The following PCSK5 variants were observed in gnomAD, a reference collection of about 807,000 sequenced individuals.
The protein encoded by PCSK5 is proprotein convertase subtilisin/kexin type 5.
In PCSK5, 129 loss-of-function variants were observed where a neutral mutation model predicts 233.2. The ratio of observed to expected loss-of-function variants is 0.55; its 90% CI spans 0.48 to 0.64. The LOEUF is 0.64. Ranked by LOEUF, PCSK5 falls within the 30% of genes least tolerant of loss-of-function variation. PCSK5 has a pLI of 0.00. For synonymous variants in PCSK5, 825 were observed against 879.2 expected, an observed-to-expected ratio of 0.94 and a Z score of 1.09; for missense variants, 2,076 against 2,430.1, an observed-to-expected ratio of 0.85 and a Z score of 3.06.
chr9:76,302,480 C>G (rs1828643413), intron 28 of PCSK5, among the ~76,000 whole-genome samples: 1 of 152,166 alleles, frequency 6.6e-6, no homozygotes, highest in African/African-American at 2.4e-5. Flanking sequence ...ATGGTCATGG[C>G]TGGCAGAGGC....
intron 12 of PCSK5, among the ~76,000 whole-genome samples, chr9:76,163,309 C>T (rs1822949091): frequency 6.6e-6 from 1 of 152,224 alleles, no homozygotes; most frequent in Admixed American, 6.5e-5. Context: ...CAGTGGCTCC[C>T]TGTCCTGGCT....
At chr9:75,943,754 A>G (rs965836364) in intron 2 of PCSK5, among the ~76,000 whole-genome samples, 2 of 152,224 alleles carry the variant, frequency 1.3e-5, no homozygotes, top group South Asian at 2.1e-4. Context: ...AATATAATGA[A>G]CTGCGCATGT....
In PCSK5 at chr9:76,292,263, TG is replaced by T; in HGVS notation, c.3177del (p.Tyr1060IlefsTer48). The T allele has an allele frequency of 6.3e-7, 1 of 1,578,192 alleles. No homozygotes were observed. Among genetic ancestry groups the T allele is most frequent in the Non-Finnish European group, 8.7e-7 (1 of 1,148,618 alleles). On this transcript the variant is annotated frameshift_variant, in exon 25 of 38. Transcript: ENST00000674117. LOFTEE classifies it high-confidence loss of function. ...DDPGTCTSCA[M>X]GYYRFDHHCY... ...CCAGGAACATGTACATCTTGCGCTA[TG>T]GGGTATTACAGGTAAGTCTGGTCTT...
chr9:76,355,879 T>C (rs570308825), intron 37 of PCSK5, among the ~76,000 whole-genome samples: 60 of 152,040 alleles, frequency 3.9e-4, no homozygotes, highest in Non-Finnish European at 6.9e-4. Context: ...AATTTTTGTA[T>C]TTTTAGTACA....
chr9:76,172,787 TC>T (rs2131189051), intron 13 of PCSK5, among the ~76,000 whole-genome samples: 1 of 152,274 alleles, frequency 6.6e-6, no homozygotes, highest in Non-Finnish European at 1.5e-5. Context: ...TTCTTATCAC[TC>T]CCTAATGCGT....
intron 20 of PCSK5, among the ~76,000 whole-genome samples, chr9:76,204,538 C>G (rs942763388): frequency 6.6e-6 from 1 of 151,726 alleles, no homozygotes; most frequent in Admixed American, 6.6e-5. Flanking sequence ...GTCCCGGTGG[C>G]CAAGCCTCCC....
intron 9 of PCSK5, among the ~76,000 whole-genome samples, chr9:76,121,973 G>A (rs1367281949): frequency 1.9e-5 from 2 of 105,088 alleles, no homozygotes; most frequent in African/African-American, 3.1e-5. Context: ...ACAGGCGCCC[G>A]CCACTACGCC....
At position 76,079,164 on chromosome 9, in the gene PCSK5, C is replaced by T. The variant is rs567380088; in HGVS notation, c.894+7266C>T. Among the ~76,000 whole-genome samples, 34 of 151,670 alleles carry T rather than the reference C, an allele frequency of 2.2e-4. No individual in the cohort carries two copies. The East Asian group carries it at 5.5e-3, about 24-fold the overall frequency. On this transcript the variant is annotated intron_variant, in intron 7 of 37. Transcript: ENST00000674117. ...ACCCAGGTTGGAGTGCAGTGGCGTG[C>T]GTGATCTTGGCTCACTGCAACCTCC... is the stretch of plus-strand genomic sequence containing the variant.
At chr9:76,060,186 T>A (rs747909353) in intron 5 of PCSK5, among the ~76,000 whole-genome samples, 21 of 152,158 alleles carry the variant, frequency 1.4e-4, no homozygotes, top group Non-Finnish European at 2.6e-4. Context: ...GTTGACTCCA[T>A]TCCATGCAGC....
chr9:76,283,434 C>G (rs965989741), intron 24 of PCSK5, among the ~76,000 whole-genome samples: 3 of 152,210 alleles, frequency 2.0e-5, no homozygotes, highest in African/African-American at 7.2e-5. Flanking sequence ...TCTGAATGCT[C>G]AGATGATCAT....
At chr9:76,316,881 A>G (rs1829048607) in intron 30 of PCSK5, among the ~76,000 whole-genome samples, 1 of 151,662 alleles carries the variant, frequency 6.6e-6, no homozygotes, top group Non-Finnish European at 1.5e-5. Flanking sequence ...ATTCATTTTT[A>G]AGAGATAGAC....
chr9:75,896,733 TATATATG>T (rs1825823719), intron 1 of PCSK5, among the ~76,000 whole-genome samples: 1 of 152,172 alleles, frequency 6.6e-6, no homozygotes, highest in Non-Finnish European at 1.5e-5. Context: ...CACATATACT[TATATATG>T]ATATATACAC....
chr9:76,271,312 C>T (rs1827505095), intron 24 of PCSK5, among the ~76,000 whole-genome samples: 1 of 152,220 alleles, frequency 6.6e-6, no homozygotes, highest in South Asian at 2.1e-4. Flanking sequence ...AACCACTCCC[C>T]TCTGCATTAA....
At chr9:76,339,910 G>A in intron 35 of PCSK5, among the ~76,000 whole-genome samples, 1 of 152,112 alleles carries the variant, frequency 6.6e-6, no homozygotes, top group Non-Finnish European at 1.5e-5. Flanking sequence ...TATGTCTTAA[G>A]GACTTGTCTT....
At chr9:76,233,683 T>A in intron 22 of PCSK5, 87 bp downstream of exon 22, 1 of 1,217,168 alleles carries the variant, frequency 8.2e-7, no homozygotes. Flanking sequence ...AAAAGCCTTG[T>A]GTCTGGGGCT....
chr9:76,332,482 CA>C lies in PCSK5; in HGVS notation c.4621del (p.Ser1541AlafsTer32). On this transcript the variant is annotated frameshift_variant, in exon 34 of 38. Transcript: ENST00000674117. LOFTEE classifies it high-confidence loss of function. ...CPEGYYADED[S>X]NRCAHCHSSC... ...CAGAGGGCTATTATGCCGATGAGGA[CA>C]GCAACCGGTGTGCCCACTGCCACAG... The C allele has an allele frequency of 6.2e-7, 1 of 1,612,554 alleles. No individual in the cohort carries two copies. Among genetic ancestry groups the C allele is most frequent in the South Asian group, 1.1e-5 (1 of 91,086 alleles).
intron 20 of PCSK5, among the ~76,000 whole-genome samples, chr9:76,201,609 T>C (rs1824917918): frequency 6.6e-6 from 1 of 152,200 alleles, no homozygotes; most frequent in South Asian, 2.1e-4. Flanking sequence ...CCCAGGTGCA[T>C]GTTATTAATG....
intron 24 of PCSK5, among the ~76,000 whole-genome samples, chr9:76,247,843 G>A (rs1471059434): frequency 2.6e-5 from 4 of 151,166 alleles, no homozygotes; most frequent in East Asian, 1.9e-4. Flanking sequence ...GGAGTGCAAC[G>A]GCGTGATCTT....
At chr9:76,339,100 T>A (rs1829760279) in intron 35 of PCSK5, among the ~76,000 whole-genome samples, 1 of 151,842 alleles carries the variant, frequency 6.6e-6, no homozygotes, top group African/African-American at 2.4e-5. Flanking sequence ...CAACTCTCAA[T>A]CTTGCCCCCA....
Sources: gnomAD v4.1 joint callset for allele counts (sites outside exome capture counted in the v4.1 genomes callset) on GRCh38, gnomAD v4.1.1 for gene constraint, MANE v1.5 for transcripts, NCBI Gene and HGNC (gene_info 2026-07-23, HGNC 2026-07-21) for gene names.